Variants in RAD17 observed in about 807,000 individuals in gnomAD.
RAD17 encodes cell cycle checkpoint protein RAD17.
A neutral mutation model predicts 81.5 loss-of-function variants in RAD17; 31 were observed. That is an observed-to-expected ratio of 0.38 (90% CI 0.29 to 0.51). RAD17 has a LOEUF of 0.51. Among genes scored for constraint, RAD17 ranks in the 20% least tolerant of loss-of-function variants. The probability of loss-of-function intolerance (pLI) is 0.88; values close to 1 mark genes in which losing one functional copy is unlikely to be tolerated. For missense variants in RAD17, 681 were observed against 781.2 expected, an observed-to-expected ratio of 0.87 and a Z score of 1.53; for synonymous variants, 261 against 266.2, an observed-to-expected ratio of 0.98 and a Z score of 0.19.
At chr5:69,397,850 G>A (rs1764993892) in intron 16 of RAD17, among the ~76,000 whole-genome samples, 1 of 152,192 alleles carries the variant, frequency 6.6e-6, no homozygotes, top group African/African-American at 2.4e-5. Context: ...GGGCATGGTG[G>A]CTCACGCCTG....
At chr5:69,379,102 C>G (rs1763688691) in intron 6 of RAD17, among the ~76,000 whole-genome samples, 1 of 152,076 alleles carries the variant, frequency 6.6e-6, no homozygotes, top group African/African-American at 2.4e-5. Flanking sequence ...ATTAGCCAGG[C>G]ATGGTGGTGT....
At chr5:69,382,431 T>A (rs1763913535) in intron 7 of RAD17, among the ~76,000 whole-genome samples, 1 of 152,140 alleles carries the variant, frequency 6.6e-6, no homozygotes. Flanking sequence ...GGCAACAGAA[T>A]GAGACATTGT....
chr5:69,404,501 C>T (rs915946161), intron 17 of RAD17, among the ~76,000 whole-genome samples: 1 of 151,782 alleles, frequency 6.6e-6, no homozygotes, highest in African/African-American at 2.4e-5. Flanking sequence ...GGCACGGTGG[C>T]TCACGCCTGT....
At chr5:69,369,593 G>T, upstream of RAD17, 1 of 1,595,586 alleles carries the variant, frequency 6.3e-7, no homozygotes, top group South Asian at 1.1e-5. Flanking sequence ...GGCCCCAAAG[G>T]CCCCGAAGCC....
rs752987646 is a variant in RAD17, at chr5:69,384,912, TAAG to T, written c.629_631del (p.Lys210del). On this transcript the variant is annotated inframe_deletion, in exon 8 of 19. Transcript: ENST00000354868. ...TGCTTGGAGATGATCTGAGAACTGA[TAAG>T]AAGATAATTCTGGTTGAAGTAAGGA... is the stretch of plus-strand genomic sequence containing the variant. 1.1e-5 allele frequency: 17 copies of T among 1,604,434 alleles called. No individual in the cohort carries two copies. Among genetic ancestry groups the T allele is most frequent in the East Asian group, 6.7e-5 (3 of 44,710 alleles).
chr5:69,374,738 T>G (rs1763233079), intron 6 of RAD17, 27 bp downstream of exon 6: 2 of 1,506,036 alleles, frequency 1.3e-6, no homozygotes, highest in African/African-American at 1.4e-5. Flanking sequence ...TTTTTAAATA[T>G]TTAACATCAA....
chr5:69,405,086 G>A (rs902874734), intron 17 of RAD17, among the ~76,000 whole-genome samples: 2 of 152,178 alleles, frequency 1.3e-5, no homozygotes, highest in African/African-American at 4.8e-5. Context: ...CAGTTAGAAT[G>A]GCCGTTACCA....
intron 17 of RAD17, among the ~76,000 whole-genome samples, chr5:69,403,448 C>G (rs958593954): frequency 6.6e-6 from 1 of 152,118 alleles, no homozygotes; most frequent in African/African-American, 2.4e-5. Context: ...TGGATTCTGA[C>G]CAACAGATTC....
intron 4 of RAD17, among the ~76,000 whole-genome samples, chr5:69,372,704 C>G (rs570207278): frequency 2.6e-5 from 4 of 151,918 alleles, no homozygotes; most frequent in African/African-American, 9.7e-5. Context: ...CTTGACCTCC[C>G]GCGCTCAAGT....
At position 69,384,948 on chromosome 5, in the gene RAD17, TA is replaced by T; in HGVS notation, c.645+19del. The stretch of plus-strand genomic sequence containing the variant: ...TTCTGGTTGAAGTAAGGACAACTTT[TA>T]AAATCTTTTTTTTTTTTTTTTTGAA... On this transcript the variant is annotated intron_variant, in intron 8 of 18. Coordinates refer to ENST00000354868, the MANE Select transcript of RAD17 (RefSeq NM_133338.3). 6.4e-7 allele frequency: 1 copy of T among 1,555,252 alleles called. No individual in the cohort carries two copies. Among genetic ancestry groups the T allele is most frequent in the Non-Finnish European group, 8.7e-7 (1 of 1,151,944 alleles).
chr5:69,390,668 T>C (rs1764494783), intron 12 of RAD17, among the ~76,000 whole-genome samples: 1 of 151,910 alleles, frequency 6.6e-6, no homozygotes, highest in Non-Finnish European at 1.5e-5. Flanking sequence ...TGTCTAATAA[T>C]AATTGGTCAG....
chr5:69,407,562 GTTTTTTTTTTTTTTTTTTTT>G (rs550222595), intron 17 of RAD17, among the ~76,000 whole-genome samples: 24 of 40,928 alleles, frequency 5.9e-4, no homozygotes, highest in African/African-American at 2.6e-3. Flanking sequence ...CTATGTCCAA[GTTTTTTTTTTTTTTTTTTTT>G]TTTTTTTTTT....
At chr5:69,392,375 A>G (rs1764603002) in intron 13 of RAD17, among the ~76,000 whole-genome samples, 1 of 152,192 alleles carries the variant, frequency 6.6e-6, no homozygotes, top group South Asian at 2.1e-4. Flanking sequence ...ATTACCAGGT[A>G]GTTTAAGGTT....
intron 16 of RAD17, among the ~76,000 whole-genome samples, chr5:69,399,595 TATTA>T (rs1335767166): frequency 6.6e-6 from 1 of 152,210 alleles, no homozygotes; most frequent in Non-Finnish European, 1.5e-5. Flanking sequence ...ATAGCATATA[TATTA>T]ATTTTGCATT....
At chr5:69,376,867 C>T (rs1307512869) in intron 6 of RAD17, among the ~76,000 whole-genome samples, 2 of 152,086 alleles carry the variant, frequency 1.3e-5, no homozygotes, top group Non-Finnish European at 2.9e-5. Context: ...GATTCTCCTA[C>T]CTCAGCCTCC....
In RAD17 at chr5:69,381,789, G is replaced by A. The variant is rs1763875805; in HGVS notation, c.352-112G>A. The stretch of plus-strand genomic sequence containing the variant: ...TATGAAATTTAATGTGCTTATATGA[G>A]ACATTCAGCAAATATTTATAGAAGT... On this transcript the variant is annotated intron_variant, in intron 6 of 18. Coordinates refer to ENST00000354868, the MANE Select transcript of RAD17 (RefSeq NM_133338.3). 6.6e-6 allele frequency: 5 copies of A among 755,268 alleles called. No homozygotes were observed. The South Asian group carries it at 1.1e-4, about 17-fold the overall frequency. The allele number at this position is 755,268 out of a possible 1,614,324, so 46.8% of individuals were successfully genotyped here.
In RAD17 at chr5:69,386,384, T is replaced by C. The variant is rs201026539; in HGVS notation, c.825-12T>C. 2.6e-3 allele frequency: 4,090 copies of C among 1,591,284 alleles called. 5 individuals are homozygous for C. The highest frequency in any genetic ancestry group is 3.1e-3 in the Non-Finnish European group (3,615 of 1,172,120). On this transcript the variant is annotated splice_polypyrimidine_tract_variant and intron_variant, in intron 10 of 18. Coordinates refer to ENST00000354868, the MANE Select transcript of RAD17 (RefSeq NM_133338.3). ...TAATCATTTAACTGCTATCTTTCTT[T>C]ATAAAACTTAGTTTCAACCCTGTGG...
intron 6 of RAD17, among the ~76,000 whole-genome samples, chr5:69,379,236 C>CA (rs906816021): frequency 3.0e-4 from 44 of 144,740 alleles, no homozygotes; most frequent in African/African-American, 8.2e-4. Flanking sequence ...GACTTTGTCT[C>CA]AAAAAAAAAA....
chr5:69,377,473 A>ATG (rs1170906255), intron 6 of RAD17, among the ~76,000 whole-genome samples: 3 of 6,100 alleles, frequency 4.9e-4, no homozygotes, highest in African/African-American at 6.6e-4. Flanking sequence ...ATATATATAT[A>ATG]TACACACACA....
Sources: gnomAD v4.1 joint callset for allele counts (sites outside exome capture counted in the v4.1 genomes callset) on GRCh38, gnomAD v4.1.1 for gene constraint, MANE v1.5 for transcripts, NCBI Gene and HGNC (gene_info 2026-07-23, HGNC 2026-07-21) for gene names.